Variants in FILIP1 observed in about 807,000 individuals in gnomAD.
The protein encoded by FILIP1 is filamin A interacting protein 1.
FILIP1 carries 61 observed loss-of-function variants against 102.1 expected under a neutral mutation model. That is an observed-to-expected ratio of 0.60 (90% CI 0.49 to 0.74). The LOEUF is 0.74. Among genes scored for constraint, FILIP1 ranks in the 30% least tolerant of loss-of-function variants. The pLI is 0.00. For synonymous variants in FILIP1, 491 were observed against 526.9 expected (o/e 0.93, Z 0.93); for missense variants, 1,314 against 1,441.2 (o/e 0.91, Z 1.43).
intron 2 of FILIP1, chr6:75,384,925 G>A (rs1185873358): frequency 6.7e-6 from 1 of 149,616 alleles, no homozygotes; most frequent in Non-Finnish European, 1.5e-5. Context: ...CTCCCGAGTA[G>A]CTGGGACTAC....
At chr6:75,430,281 T>C (rs181978891) in intron 1 of FILIP1, among the ~76,000 whole-genome samples, 40 of 152,314 alleles carry the variant, frequency 2.6e-4, no homozygotes, top group Admixed American at 2.2e-3. Context: ...CTTTTGTTTA[T>C]AAATTACCCA....
At chr6:75,430,052 A>G (rs1170978048) in intron 1 of FILIP1, among the ~76,000 whole-genome samples, 1 of 152,114 alleles carries the variant, frequency 6.6e-6, no homozygotes, top group African/African-American at 2.4e-5. Flanking sequence ...TGAGAGAGGG[A>G]CCTGGTGGGA....
chr6:75,325,408 C>T (rs140551415), intron 4 of FILIP1, among the ~76,000 whole-genome samples: 75 of 152,126 alleles, frequency 4.9e-4, no homozygotes, highest in African/African-American at 1.6e-3. Context: ...GGTGACAGAG[C>T]GAGACTCTGT....
intron 1 of FILIP1, among the ~76,000 whole-genome samples, chr6:75,474,070 A>G (rs943798651): frequency 2.0e-5 from 3 of 152,224 alleles, no homozygotes; most frequent in African/African-American, 7.2e-5. Flanking sequence ...AATGTAGTTC[A>G]TGCTTACTGT....
intron 2 of FILIP1, among the ~76,000 whole-genome samples, chr6:75,410,557 A>G (rs931754958): frequency 1.3e-5 from 2 of 151,402 alleles, no homozygotes; most frequent in Non-Finnish European, 2.9e-5. Flanking sequence ...TTGCCCTGCA[A>G]CCTCTGACAG....
chr6:75,416,927 A>G lies in FILIP1; in HGVS notation c.-6-1949T>C, dbSNP rs140788661. Among the ~76,000 whole-genome samples the G allele has an allele frequency of 2.8e-3, 431 of 152,252 alleles. 1 individual carries two copies. Among genetic ancestry groups the G allele is most frequent in the African/African-American group, 1.0e-2 (415 of 41,580 alleles). ...TGTTACATGCATTTACTCAATCACAATTATATCTGCAAACATACAGAAAAT... is the reference window on the plus strand; with the variant it reads ...TGTTACATGCATTTACTCAATCACAGTTATATCTGCAAACATACAGAAAAT... On this transcript the variant is annotated intron_variant, in intron 1 of 5. Coordinates refer to ENST00000237172, the MANE Select transcript of FILIP1 (RefSeq NM_015687.5).
At chr6:75,461,453 G>A (rs769126153) in intron 1 of FILIP1, among the ~76,000 whole-genome samples, 1 of 152,050 alleles carries the variant, frequency 6.6e-6, no homozygotes, top group Non-Finnish European at 1.5e-5. Flanking sequence ...TTTTAATGTG[G>A]TCATATGGAT....
At chr6:75,485,589 C>T (rs771131711) in intron 1 of FILIP1, among the ~76,000 whole-genome samples, 6 of 152,136 alleles carry the variant, frequency 3.9e-5, no homozygotes, top group Admixed American at 3.3e-4. Context: ...ATTATCTGCT[C>T]CATCGAAGTT....
chr6:75,393,981 T>C (rs763336513), intron 2 of FILIP1, among the ~76,000 whole-genome samples: 1 of 151,946 alleles, frequency 6.6e-6, no homozygotes, highest in African/African-American at 2.4e-5. Flanking sequence ...TTAGAGGTAC[T>C]AGCAGAGGCT....
Position 75,315,027 on chromosome 6 carries a change from G to T in FILIP1, c.805C>A (p.Gln269Lys). Residue 269 changes from glutamine to lysine, a missense_variant, in exon 5 of 6, where the codon CAG becomes AAG. Transcript: ENST00000237172. Reference protein sequence around the residue: ...EQLGLQSQKVQDLTQKLREEE... With the variant: ...EQLGLQSQKVKDLTQKLREEE... ...TCCCTCAGCTTCTGAGTAAGATCCT[G>T]TACTTTCTGGCTTTGCAGGCCAAGT... The T allele has an allele frequency of 3.1e-6, 5 of 1,614,064 alleles. No homozygotes were observed. The highest frequency in any genetic ancestry group is 3.4e-6 in the Non-Finnish European group (4 of 1,180,008).
chr6:75,347,678 C>A (rs141481809), intron 4 of FILIP1, among the ~76,000 whole-genome samples: 6 of 99,228 alleles, frequency 6.0e-5, no homozygotes, highest in Non-Finnish European at 1.2e-4. Flanking sequence ...TCCCAGTCCA[C>A]TAGAGCAAGT....
At chr6:75,439,139 A>C (rs956556923) in intron 1 of FILIP1, among the ~76,000 whole-genome samples, 1 of 152,202 alleles carries the variant, frequency 6.6e-6, no homozygotes, top group African/African-American at 2.4e-5. Flanking sequence ...AGGAAATCTA[A>C]GCTACTAAAA....
At chr6:75,464,136 A>G (rs1383698234) in intron 1 of FILIP1, among the ~76,000 whole-genome samples, 1 of 152,210 alleles carries the variant, frequency 6.6e-6, no homozygotes, top group East Asian at 1.9e-4. Context: ...TTAAGATTAT[A>G]ATGCTCCACA....
intron 1 of FILIP1, among the ~76,000 whole-genome samples, chr6:75,482,116 T>C (rs1779665071): frequency 6.6e-6 from 1 of 152,168 alleles, no homozygotes; most frequent in South Asian, 2.1e-4. Context: ...TTTGGTGAGA[T>C]TCCATCACAA....
chr6:75,408,448 C>A (rs1776946616), intron 2 of FILIP1, among the ~76,000 whole-genome samples: 1 of 152,164 alleles, frequency 6.6e-6, no homozygotes, highest in Non-Finnish European at 1.5e-5. Flanking sequence ...GACTGGCAAA[C>A]AAAACAGCAA....
Position 75,308,664 on chromosome 6 carries a change from C to T in FILIP1, c.*27G>A. 1 of 1,611,714 alleles carries T rather than the reference C, an allele frequency of 6.2e-7. No individual in the cohort carries two copies. Among genetic ancestry groups the T allele is most frequent in the African/African-American group, 1.3e-5 (1 of 74,960 alleles). ...ACTTTCACGGCAGCAGTAGCATCTGCACAACATACCCCCTTAGCCACTGCC... is the reference window on the plus strand; with the variant it reads ...ACTTTCACGGCAGCAGTAGCATCTGTACAACATACCCCCTTAGCCACTGCC... On this transcript the variant is annotated 3_prime_UTR_variant, in exon 6 of 6. Coordinates refer to ENST00000237172, the MANE Select transcript of FILIP1 (RefSeq NM_015687.5).
chr6:75,452,278 T>A (rs1156407890), intron 1 of FILIP1, among the ~76,000 whole-genome samples: 2 of 150,722 alleles, frequency 1.3e-5, no homozygotes, highest in African/African-American at 4.9e-5. Context: ...CCCACAACAG[T>A]CCCCGGTGTG....
chr6:75,406,646 C>T (rs1346209912), intron 2 of FILIP1, among the ~76,000 whole-genome samples: 1 of 147,152 alleles, frequency 6.8e-6, no homozygotes, highest in Non-Finnish European at 1.5e-5. Flanking sequence ...TCAAATCTCT[C>T]GAATAGCAAT....
At chr6:75,434,120 T>A (rs1238911770) in intron 1 of FILIP1, among the ~76,000 whole-genome samples, 2 of 152,176 alleles carry the variant, frequency 1.3e-5, no homozygotes, top group Admixed American at 1.3e-4. Context: ...AGTCAGGTAG[T>A]GTGATGCCTC....
Sources: gnomAD v4.1 joint callset for allele counts (sites outside exome capture counted in the v4.1 genomes callset) on GRCh38, gnomAD v4.1.1 for gene constraint, MANE v1.5 for transcripts, NCBI Gene and HGNC (gene_info 2026-07-23, HGNC 2026-07-21) for gene names.